The following TENM2 variants were observed in gnomAD, a reference collection of about 807,000 sequenced individuals.
TENM2 encodes teneurin-2.
In TENM2, 52 loss-of-function variants were observed where a neutral mutation model predicts 245.2. The observed-to-expected ratio is 0.21, with a 90% CI of 0.17 to 0.27. TENM2 has a LOEUF of 0.27. Among genes scored for constraint, TENM2 ranks in the 10% least tolerant of loss-of-function variants. The probability of loss-of-function intolerance (pLI) is 1.00; values close to 1 mark genes in which losing one functional copy is unlikely to be tolerated. For missense variants in TENM2, 3,046 were observed against 3,666.8 expected, an observed-to-expected ratio of 0.83 and a Z score of 4.37; for synonymous variants, 1,363 against 1,438.9, an observed-to-expected ratio of 0.95 and a Z score of 1.19.
chr5:166,999,522 G>A, the TENM2 span, among the ~76,000 whole-genome samples: 1 of 152,102 alleles, frequency 6.6e-6, no homozygotes, highest in Admixed American at 6.6e-5. Flanking sequence ...TGATTTTGTT[G>A]AAAGATGCTG....
chr5:167,614,090 T>C (rs1777635893), intron 2 of TENM2, among the ~76,000 whole-genome samples: 2 of 152,096 alleles, frequency 1.3e-5, no homozygotes, highest in Admixed American at 6.6e-5. Context: ...CTTGCTTTTG[T>C]CTGGATGAAT....
chr5:168,130,107 G>C (rs962983597), intron 12 of TENM2: 1 of 152,146 alleles, frequency 6.6e-6, no homozygotes, highest in African/African-American at 2.4e-5. Context: ...AAGAGAAATG[G>C]GGAAAAAAGA....
chr5:167,395,314 C>T (rs562447240), intron 2 of TENM2, among the ~76,000 whole-genome samples: 204 of 151,996 alleles, frequency 1.3e-3, no homozygotes, highest in Non-Finnish European at 2.1e-3. Flanking sequence ...AGAAATATTA[C>T]TAATTTTTGT....
intron 2 of TENM2, among the ~76,000 whole-genome samples, chr5:167,390,767 A>T (rs1761705177): frequency 6.6e-6 from 1 of 152,206 alleles, no homozygotes; most frequent in South Asian, 2.1e-4. Flanking sequence ...AATGCAGAAC[A>T]ATTAAGAGAG....
chr5:167,453,638 A>G (rs546234211), intron 2 of TENM2, among the ~76,000 whole-genome samples: 7 of 152,304 alleles, frequency 4.6e-5, no homozygotes, highest in African/African-American at 1.4e-4. Flanking sequence ...TTTTGTCCTC[A>G]TTTAGTTCAT....
chr5:167,528,392 GGT>G (rs1771262232), intron 2 of TENM2, among the ~76,000 whole-genome samples: 1 of 152,176 alleles, frequency 6.6e-6, no homozygotes, highest in East Asian at 1.9e-4. Flanking sequence ...ACAAAGCATG[GGT>G]ACTGCATTCA....
chr5:168,003,404 A>G (rs1279925287), intron 5 of TENM2, among the ~76,000 whole-genome samples: 1 of 152,028 alleles, frequency 6.6e-6, no homozygotes, highest in East Asian at 1.9e-4. Flanking sequence ...AATTAATACC[A>G]AAAAGGGTGG....
At chr5:168,162,228 T>G (rs995887044) in intron 12 of TENM2, among the ~76,000 whole-genome samples, 1 of 152,170 alleles carries the variant, frequency 6.6e-6, no homozygotes, top group East Asian at 1.9e-4. Flanking sequence ...AGAAGAGCAC[T>G]TCTTAAAAAA....
At chr5:167,782,505 G>A (rs1191096771) in intron 2 of TENM2, among the ~76,000 whole-genome samples, 1 of 151,986 alleles carries the variant, frequency 6.6e-6, no homozygotes, top group Non-Finnish European at 1.5e-5. Flanking sequence ...GGTGAGATGG[G>A]AAGATGCTCT....
chr5:167,985,672 A>C (rs1360913497), intron 4 of TENM2, among the ~76,000 whole-genome samples: 3 of 152,348 alleles, frequency 2.0e-5, no homozygotes, highest in Middle Eastern at 3.4e-3. Context: ...TGTATAGTAC[A>C]TTTCTTTTCA....
chr5:167,093,228 C>G, the TENM2 span, among the ~76,000 whole-genome samples: 1 of 152,210 alleles, frequency 6.6e-6, no homozygotes, highest in Non-Finnish European at 1.5e-5. Context: ...GGAAATATCA[C>G]TGCTCCCAGA....
intron 6 of TENM2, among the ~76,000 whole-genome samples, chr5:168,049,827 G>A (rs1169566470): frequency 6.6e-6 from 1 of 152,194 alleles, no homozygotes; most frequent in Non-Finnish European, 1.5e-5. Flanking sequence ...GTTTGAGACA[G>A]AGTCTCACTC....
At chr5:168,139,807 C>G (rs924578460) in intron 12 of TENM2, among the ~76,000 whole-genome samples, 1 of 152,220 alleles carries the variant, frequency 6.6e-6, no homozygotes, top group East Asian at 1.9e-4. Flanking sequence ...CATGACCCAG[C>G]TCCAGCTGAA....
In TENM2 at chr5:167,658,622, G is replaced by A. The variant is rs183005630; in HGVS notation, c.503-217364G>A. On this transcript the variant is annotated intron_variant, in intron 2 of 28. Transcript: ENST00000518659. ...ACTTTTGGAGGATATTCAGACCACA[G>A]CAATGCCAAAATTGAGAAAGTTGAG... 7.1e-4 allele frequency among the ~76,000 whole-genome samples: 108 copies of A among 152,252 alleles called. 1 individual carries two copies. Among genetic ancestry groups the A allele is most frequent in the Non-Finnish European group, 1.3e-3 (86 of 68,014 alleles).
At chr5:167,237,974 C>CA in the TENM2 span, among the ~76,000 whole-genome samples, 32 of 136,960 alleles carry the variant, frequency 2.3e-4, no homozygotes, top group Middle Eastern at 8.5e-3. Context: ...CATGCCACTC[C>CA]ATTCCAGCCT....
At chr5:167,576,649 TATG>T (rs1447164615) in intron 2 of TENM2, among the ~76,000 whole-genome samples, 2 of 152,164 alleles carry the variant, frequency 1.3e-5, no homozygotes, top group Non-Finnish European at 2.9e-5. Flanking sequence ...AACATGCAAA[TATG>T]ATGTCAGAGG....
intron 4 of TENM2, chr5:167,965,578 T>C (rs951190779): frequency 7.5e-6 from 1 of 133,752 alleles, no homozygotes; most frequent in Non-Finnish European, 1.6e-5. Flanking sequence ...TGAGATTCCA[T>C]CTTAAAAAAA....
intron 6 of TENM2, among the ~76,000 whole-genome samples, chr5:168,048,754 G>A (rs1174348828): frequency 2.6e-5 from 4 of 152,190 alleles, no homozygotes; most frequent in Non-Finnish European, 4.4e-5. Context: ...CCCCAGAGCT[G>A]TCCTAATGCT....
intron 25 of TENM2, among the ~76,000 whole-genome samples, chr5:168,242,929 C>T (rs2152682939): frequency 6.6e-6 from 1 of 151,816 alleles, no homozygotes; most frequent in Non-Finnish European, 1.5e-5. Context: ...TGCACTCCAG[C>T]CTGGGCAACA....
Sources: allele counts gnomAD v4.1 joint callset (sites outside exome capture counted in the v4.1 genomes callset), GRCh38; gene constraint gnomAD v4.1.1; transcripts MANE v1.5; gene names NCBI Gene and HGNC (gene_info 2026-07-23, HGNC 2026-07-21).